The following NALF1 variants were observed in gnomAD, a reference collection of about 807,000 sequenced individuals.
NALF1 encodes family with sequence similarity 155 member A.
In NALF1, 3 loss-of-function variants were observed where a neutral mutation model predicts 48.4. The ratio of observed to expected loss-of-function variants is 0.06; its 90% CI spans 0.03 to 0.16. The LOEUF is 0.16. NALF1 is among the 10% of genes least tolerant of loss of function. NALF1 has a pLI of 1.00. For missense variants in NALF1, 526 were observed against 571.5 expected, an observed-to-expected ratio of 0.92 and a Z score of 0.81; for synonymous variants, 262 against 245.7, an observed-to-expected ratio of 1.07 and a Z score of -0.62.
intron 1 of NALF1, among the ~76,000 whole-genome samples, chr13:107,732,172 A>C (rs188697107): frequency 6.6e-6 from 1 of 152,134 alleles, no homozygotes; most frequent in Admixed American, 6.5e-5. Flanking sequence ...TTCACTTGAA[A>C]CCTAATACTT....
chr13:107,375,885 C>T (rs1883326888), intron 1 of NALF1, among the ~76,000 whole-genome samples: 1 of 151,846 alleles, frequency 6.6e-6, no homozygotes, highest in South Asian at 2.1e-4. Flanking sequence ...ACCTGATGCC[C>T]CCTCCCGATA....
Position 107,865,675 on chromosome 13 carries a change from T to C in NALF1, c.915+7A>G, listed in dbSNP as rs1880693956. ...CAGGAAAGGGGGAAACCCCCGAGGG[T>C]TCCTACCTTACAGTCTTCAGGACAG... is the stretch of plus-strand genomic sequence containing the variant. On this transcript the variant is annotated splice_region_variant and intron_variant, in intron 1 of 2. Transcript: ENST00000375915. 5.6e-6 allele frequency: 9 copies of C among 1,610,198 alleles called. No individual in the cohort carries two copies. The highest frequency in any genetic ancestry group is 6.8e-6 in the Non-Finnish European group (8 of 1,177,506).
chr13:107,565,984 C>G (rs754078454), intron 1 of NALF1, among the ~76,000 whole-genome samples: 1 of 152,056 alleles, frequency 6.6e-6, no homozygotes, highest in African/African-American at 2.4e-5. Flanking sequence ...CTGGCTAGAA[C>G]GTAGATTTTC....
chr13:107,210,814 G>T, intron 1 of NALF1, 59 bp from the exon 2 acceptor site: 2 of 1,223,734 alleles, frequency 1.6e-6, no homozygotes, highest in Non-Finnish European at 2.4e-6. Context: ...AGTGATAGAG[G>T]CACTGTGAGA....
At chr13:107,570,265 T>C (rs1174815365) in intron 1 of NALF1, among the ~76,000 whole-genome samples, 1 of 152,076 alleles carries the variant, frequency 6.6e-6, no homozygotes, top group Admixed American at 6.6e-5. Context: ...CTCATGTTAA[T>C]TCTGATCTCA....
chr13:107,538,066 A>C (rs1474078989), intron 1 of NALF1, among the ~76,000 whole-genome samples: 1 of 152,070 alleles, frequency 6.6e-6, no homozygotes, highest in Admixed American at 6.6e-5. Flanking sequence ...CAAACTTTCC[A>C]GAGCAACAGT....
rs960209136 is a variant in NALF1 at position 107,454,464 on chromosome 13, T to C, written c.916-243709A>G. ...AAGAGCCCCTTATAAAACCATCAGA[T>C]CTCGTTTGAACTCACTCACTATCAT... On this transcript the variant is annotated intron_variant, in intron 1 of 2. Coordinates refer to ENST00000375915, the MANE Select transcript of NALF1 (RefSeq NM_001080396.3). Among the ~76,000 whole-genome samples, 45 of 152,126 alleles carry C rather than the reference T, an allele frequency of 3.0e-4. 1 individual carries two copies. The highest frequency in any genetic ancestry group is 2.7e-3 in the Admixed American group (41 of 15,274).
intron 1 of NALF1, among the ~76,000 whole-genome samples, chr13:107,763,268 T>C (rs1877317797): frequency 6.6e-6 from 1 of 150,592 alleles, no homozygotes; most frequent in Non-Finnish European, 1.5e-5. Context: ...CAAGAATTAG[T>C]CACCAATCAA....
At chr13:107,273,111 C>A (rs1881209309) in intron 1 of NALF1, among the ~76,000 whole-genome samples, 1 of 152,168 alleles carries the variant, frequency 6.6e-6, no homozygotes, top group African/African-American at 2.4e-5. Context: ...TCTGAGCTTT[C>A]CCTGAAGCAG....
intron 1 of NALF1, among the ~76,000 whole-genome samples, chr13:107,339,721 C>G (rs539095213): frequency 2.2e-4 from 33 of 152,278 alleles, no homozygotes; most frequent in Non-Finnish European, 4.1e-4. Context: ...CATTTTACTT[C>G]CCAGTAATGA....
chr13:107,395,799 G>C (rs374286698), intron 1 of NALF1, among the ~76,000 whole-genome samples: 1 of 152,022 alleles, frequency 6.6e-6, no homozygotes, highest in South Asian at 2.1e-4. Flanking sequence ...ATGTTTTCAC[G>C]TAATTTTCCC....
At chr13:107,721,392 A>T (rs1444232561) in intron 1 of NALF1, among the ~76,000 whole-genome samples, 1 of 152,184 alleles carries the variant, frequency 6.6e-6, no homozygotes, top group Non-Finnish European at 1.5e-5. Context: ...TCATTTTGAC[A>T]TATAAGCTGT....
chr13:107,722,352 C>T (rs3915937), intron 1 of NALF1, among the ~76,000 whole-genome samples: 113,141 of 152,058 alleles, frequency 0.74, 43,249 homozygotes, highest in Middle Eastern at 0.85. Flanking sequence ...AGAGCAGTCG[C>T]AATCCTTGAT....
At chr13:107,251,529 A>T (rs1255720050) in intron 1 of NALF1, among the ~76,000 whole-genome samples, 1 of 152,210 alleles carries the variant, frequency 6.6e-6, no homozygotes, top group Non-Finnish European at 1.5e-5. Flanking sequence ...GCCCCTGCCT[A>T]CAGCTACATC....
At position 107,592,327 on chromosome 13, in the gene NALF1, C is replaced by T. The variant is rs1878621885; in HGVS notation, c.915+273355G>A. Among the ~76,000 whole-genome samples, 6 of 151,978 alleles carry T rather than the reference C, an allele frequency of 3.9e-5. No homozygotes were observed. In the South Asian group the frequency reaches 1.2e-3, roughly 31 times the overall value. ...TCATTAATCTGTGGAAAACTTAATTCACTGATCAATTAAACATTGCATAGA... is the reference window on the plus strand; with the variant it reads ...TCATTAATCTGTGGAAAACTTAATTTACTGATCAATTAAACATTGCATAGA... On this transcript the variant is annotated intron_variant, in intron 1 of 2. Transcript: ENST00000375915.
rs556252649 is a variant in NALF1, at chr13:107,839,940, A to T, written c.915+25742T>A. ...ATAAAAACAAGTCACAAACACAAAT[A>T]TTCTACAAATGCATATATACCATGG... On this transcript the variant is annotated intron_variant, in intron 1 of 2. Coordinates refer to ENST00000375915, the MANE Select transcript of NALF1 (RefSeq NM_001080396.3). Among the ~76,000 whole-genome samples the T allele has an allele frequency of 2.6e-5, 4 of 152,310 alleles. No homozygotes were observed. In the East Asian group the frequency reaches 5.8e-4, roughly 22 times the overall value.
At chr13:107,171,666 C>A (rs1312350172) in intron 2 of NALF1, among the ~76,000 whole-genome samples, 1 of 152,178 alleles carries the variant, frequency 6.6e-6, no homozygotes, top group African/African-American at 2.4e-5. Context: ...AAGAATAAAA[C>A]AACTGTGTAT....
In NALF1 at chr13:107,535,452, A is replaced by C. The variant is rs1165041858; in HGVS notation, c.916-324697T>G. 3.3e-5 allele frequency among the ~76,000 whole-genome samples: 5 copies of C among 152,306 alleles called. 1 individual carries two copies. The South Asian group carries it at 8.3e-4, about 25-fold the overall frequency. The stretch of plus-strand genomic sequence containing the variant: ...CAATAACAGACAAACAGAGAGCCAA[A>C]TCATGAGTGAACTCCCATTCACAAT... On this transcript the variant is annotated intron_variant, in intron 1 of 2. Transcript: ENST00000375915.
At chr13:107,220,210 A>T (rs2138814402) in intron 1 of NALF1, among the ~76,000 whole-genome samples, 1 of 152,344 alleles carries the variant, frequency 6.6e-6, no homozygotes, top group East Asian at 1.9e-4. Flanking sequence ...CTCAAGAAAC[A>T]GCAGCTAACA....
Sources: gnomAD v4.1 joint callset for allele counts (sites outside exome capture counted in the v4.1 genomes callset) on GRCh38, gnomAD v4.1.1 for gene constraint, MANE v1.5 for transcripts, NCBI Gene and HGNC (gene_info 2026-07-23, HGNC 2026-07-21) for gene names.